Variants in KCNMB2 observed in about 807,000 individuals in gnomAD.
KCNMB2 encodes potassium calcium-activated channel subfamily M regulatory beta subunit 2.
A neutral mutation model predicts 24.5 loss-of-function variants in KCNMB2; 9 were observed. That is an observed-to-expected ratio of 0.37 (90% CI 0.22 to 0.64). KCNMB2 has a LOEUF of 0.64. Ranked by LOEUF, KCNMB2 falls within the 30% of genes least tolerant of loss-of-function variation. KCNMB2 has a pLI of 0.63. For missense variants in KCNMB2, 226 were observed against 284.3 expected (o/e 0.79, Z 1.47); for synonymous variants, 109 against 104.4 (o/e 1.04, Z -0.27).
chr3:178,768,955 C>A (rs575475107), intron 1 of KCNMB2, among the ~76,000 whole-genome samples: 90 of 136,658 alleles, frequency 6.6e-4, no homozygotes, highest in African/African-American at 2.4e-3. Context: ...CAACATTGCA[C>A]GGTGAAGAAG....
intron 1 of KCNMB2, among the ~76,000 whole-genome samples, chr3:178,721,332 G>C (rs6443568): frequency 6.6e-6 from 1 of 151,794 alleles, no homozygotes; most frequent in African/African-American, 2.4e-5. Flanking sequence ...CCATTGATCT[G>C]TATCTCTGTT....
chr3:178,594,100 G>A (rs1000535179), intron 1 of KCNMB2, among the ~76,000 whole-genome samples: 10 of 151,820 alleles, frequency 6.6e-5, no homozygotes, highest in Non-Finnish European at 1.5e-5. Flanking sequence ...CAGGAAGACA[G>A]CACTGAGGCA....
At chr3:178,661,701 T>C (rs1720535249) in intron 1 of KCNMB2, among the ~76,000 whole-genome samples, 1 of 152,184 alleles carries the variant, frequency 6.6e-6, no homozygotes, top group African/African-American at 2.4e-5. Context: ...TTAGAATTAC[T>C]TGGAAGCTTG....
chr3:178,575,199 T>C (rs1044901076), intron 1 of KCNMB2, among the ~76,000 whole-genome samples: 1 of 152,070 alleles, frequency 6.6e-6, no homozygotes, highest in African/African-American at 2.4e-5. Context: ...ATAAAATATC[T>C]AACGAGAATG....
At chr3:178,650,696 A>T (rs1720083057) in intron 1 of KCNMB2, among the ~76,000 whole-genome samples, 2 of 152,200 alleles carry the variant, frequency 1.3e-5, no homozygotes, top group African/African-American at 4.8e-5. Flanking sequence ...CAGCACATCA[A>T]AAAGAATATC....
chr3:178,694,981 T>C (rs563318048), intron 1 of KCNMB2, among the ~76,000 whole-genome samples: 2 of 152,374 alleles, frequency 1.3e-5, no homozygotes, highest in East Asian at 1.9e-4. Context: ...TGCACTGACC[T>C]GGCAGAGGTT....
At position 178,687,134 on chromosome 3, in the gene KCNMB2, T is replaced by C. The variant is rs376992495; in HGVS notation, c.-67-120209T>C. On this transcript the variant is annotated intron_variant, in intron 1 of 4. Coordinates refer to ENST00000452583, the MANE Select transcript of KCNMB2 (RefSeq NM_181361.3). ...TTGCATTTCCATCCGGGAATCCATA[T>C]GAGGATGCTCTTAGAAATAGGAACT... is the stretch of plus-strand genomic sequence containing the variant. Among the ~76,000 whole-genome samples, 27 of 152,234 alleles carry C rather than the reference T, an allele frequency of 1.8e-4. No homozygotes were observed. In the East Asian group the frequency reaches 5.0e-3, roughly 28 times the overall value.
intron 1 of KCNMB2, among the ~76,000 whole-genome samples, chr3:178,569,657 T>A (rs1412776451): frequency 6.6e-6 from 1 of 152,220 alleles, no homozygotes; most frequent in African/African-American, 2.4e-5. Flanking sequence ...GAACATCATC[T>A]GCCTCTTTAA....
intron 1 of KCNMB2, among the ~76,000 whole-genome samples, chr3:178,783,404 T>C (rs1288552205): frequency 2.6e-5 from 4 of 151,212 alleles, no homozygotes; most frequent in Non-Finnish European, 5.9e-5. Context: ...TTTCACGATA[T>C]TGATTCTTCC....
intron 1 of KCNMB2, among the ~76,000 whole-genome samples, chr3:178,543,560 T>C (rs1343880136): frequency 6.6e-6 from 1 of 152,222 alleles, no homozygotes. Flanking sequence ...TCAATAAAAA[T>C]GTCACTACCT....
intron 1 of KCNMB2, among the ~76,000 whole-genome samples, chr3:178,762,428 C>T (rs1212628239): frequency 1.3e-5 from 2 of 152,170 alleles, no homozygotes; most frequent in African/African-American, 4.8e-5. Context: ...GAGTACAACA[C>T]AACAGCGTTA....
chr3:178,699,635 T>C (rs1205778712), intron 1 of KCNMB2, among the ~76,000 whole-genome samples: 1 of 152,180 alleles, frequency 6.6e-6, no homozygotes, highest in Non-Finnish European at 1.5e-5. Context: ...GACCAAGGGG[T>C]GCTCAGGTCA....
chr3:178,634,943 C>G (rs544104001), intron 1 of KCNMB2, among the ~76,000 whole-genome samples: 2 of 152,076 alleles, frequency 1.3e-5, no homozygotes, highest in Non-Finnish European at 2.9e-5. Context: ...ACATGGGGTG[C>G]AAGGGTACAA....
intron 4 of KCNMB2, among the ~76,000 whole-genome samples, chr3:178,840,207 C>G (rs1016089421): frequency 1.3e-5 from 2 of 152,208 alleles, no homozygotes; most frequent in Non-Finnish European, 2.9e-5. Context: ...TCCTTTGACT[C>G]CATGTCTCAC....
At chr3:178,546,406 G>A (rs1007451402) in intron 1 of KCNMB2, among the ~76,000 whole-genome samples, 3 of 152,136 alleles carry the variant, frequency 2.0e-5, no homozygotes, top group African/African-American at 7.2e-5. Flanking sequence ...TTGATTTCAG[G>A]CACATGATGG....
intron 1 of KCNMB2, among the ~76,000 whole-genome samples, chr3:178,679,050 TTG>T (rs139766791): frequency 0.014 from 1,141 of 82,592 alleles, 15 homozygotes; most frequent in African/African-American, 0.064. Flanking sequence ...GTTTTTTGTT[TTG>T]TTTTTGTTTT....
intron 1 of KCNMB2, among the ~76,000 whole-genome samples, chr3:178,620,411 C>T (rs549057460): frequency 6.6e-6 from 1 of 152,114 alleles, no homozygotes; most frequent in African/African-American, 2.4e-5. Context: ...TAACAAAATG[C>T]CATAGAATGA....
chr3:178,598,896 T>C lies in KCNMB2; in HGVS notation c.-68+62185T>C, dbSNP rs9875581. Among the ~76,000 whole-genome samples, 939 of 152,234 alleles carry C rather than the reference T, an allele frequency of 6.2e-3. 8 individuals are homozygous for C. Among genetic ancestry groups the C allele is most frequent in the African/African-American group, 0.021 (890 of 41,546 alleles). On this transcript the variant is annotated intron_variant, in intron 1 of 4. Transcript: ENST00000452583. ...CTACACTTCGGGAGTTTTTGAAATA[T>C]ACTCAGAACCCAACCCAAAATATTT...
intron 1 of KCNMB2, among the ~76,000 whole-genome samples, chr3:178,774,422 A>T (rs1042174361): frequency 5.9e-5 from 9 of 152,164 alleles, no homozygotes; most frequent in African/African-American, 2.2e-4. Flanking sequence ...TTTCCATCTC[A>T]CGGTTTTGGG....
Sources: allele counts gnomAD v4.1 joint callset (sites outside exome capture counted in the v4.1 genomes callset), GRCh38; gene constraint gnomAD v4.1.1; transcripts MANE v1.5; gene names NCBI Gene and HGNC (gene_info 2026-07-23, HGNC 2026-07-21).